ESR1: variants seen among roughly 807,000 people sequenced by gnomAD.
ESR1 encodes the protein estrogen receptor 1.
ESR1 carries 12 observed loss-of-function variants against 52.7 expected under a neutral mutation model. The observed-to-expected ratio is 0.23, with a 90% confidence interval of 0.15 to 0.37. The LOEUF is 0.37. Among genes scored for constraint, ESR1 ranks in the 10% least tolerant of loss-of-function variants. The pLI, the probability that ESR1 is intolerant of heterozygous loss-of-function variation, is 1.00. For synonymous variants in ESR1, 305 were observed against 316.8 expected (o/e 0.96, Z 0.39); for missense variants, 584 against 779.7 (o/e 0.75, Z 2.99).
intron 5 of ESR1, among the ~76,000 whole-genome samples, chr6:152,032,685 G>C: frequency 6.6e-6 from 1 of 152,158 alleles, no homozygotes; most frequent in East Asian, 1.9e-4. Flanking sequence ...TGGGTAGGAA[G>C]AATCAATATC....
chr6:152,125,686 G>A (rs984930071), exon 7 of ESR1: 1 of 202,038 alleles, frequency 4.9e-6, no homozygotes, highest in African/African-American at 2.3e-5. Context: ...TTAAATACCT[G>A]ACTAATTTTC....
At chr6:151,939,218 G>T (rs1359671202) in intron 3 of ESR1, among the ~76,000 whole-genome samples, 2 of 152,166 alleles carry the variant, frequency 1.3e-5, no homozygotes, top group South Asian at 2.1e-4. Context: ...TCAAGAGGCT[G>T]CCTGTTTAAT....
chr6:151,683,951 A>T (rs184233156), intron 1 of ESR1, among the ~76,000 whole-genome samples: 1 of 147,708 alleles, frequency 6.8e-6, no homozygotes, highest in African/African-American at 2.5e-5. Context: ...AGCTCAACTC[A>T]TCAGCCCACC....
At chr6:152,076,868 C>T (rs2982895) in intron 6 of ESR1, among the ~76,000 whole-genome samples, 2 of 151,932 alleles carry the variant, frequency 1.3e-5, no homozygotes, top group Non-Finnish European at 2.9e-5. Flanking sequence ...GTTGTTAAAA[C>T]CATTCTGTTT....
At chr6:151,928,116 T>G (rs1418353337) in intron 3 of ESR1, among the ~76,000 whole-genome samples, 1 of 152,184 alleles carries the variant, frequency 6.6e-6, no homozygotes, top group Non-Finnish European at 1.5e-5. Flanking sequence ...TTTATCATGT[T>G]TCTGTTTTCA....
At chr6:151,668,673 C>T (rs970108491) in intron 1 of ESR1, among the ~76,000 whole-genome samples, 9 of 152,154 alleles carry the variant, frequency 5.9e-5, no homozygotes, top group African/African-American at 2.2e-4. Context: ...AAAGCCCTGC[C>T]TGTTAATACT....
intron 6 of ESR1, among the ~76,000 whole-genome samples, chr6:152,114,880 G>C (rs896976646): frequency 4.1e-5 from 4 of 98,558 alleles, no homozygotes; most frequent in African/African-American, 1.7e-4. Context: ...GACAGAGCTA[G>C]ACTCCGTCTC....
chr6:151,880,114 T>G (rs1245149915), intron 2 of ESR1, among the ~76,000 whole-genome samples: 1 of 151,856 alleles, frequency 6.6e-6, no homozygotes, highest in Non-Finnish European at 1.5e-5. Flanking sequence ...TGAAGGTGAC[T>G]TGCCCAAAGG....
intron 6 of ESR1, among the ~76,000 whole-genome samples, chr6:152,093,662 A>T (rs564150267): frequency 6.6e-6 from 1 of 152,302 alleles, no homozygotes; most frequent in South Asian, 2.1e-4. Context: ...AATAGGCGAG[A>T]GAGGAAAAAC....
chr6:151,949,750 G>C (rs759124067), intron 4 of ESR1, among the ~76,000 whole-genome samples: 3 of 152,248 alleles, frequency 2.0e-5, no homozygotes, highest in Non-Finnish European at 4.4e-5. Flanking sequence ...GAAAGCAGCT[G>C]CTGTTGACTG....
At chr6:151,972,752 A>G (rs1191000157) in intron 4 of ESR1, among the ~76,000 whole-genome samples, 1 of 152,170 alleles carries the variant, frequency 6.6e-6, no homozygotes, top group Non-Finnish European at 1.5e-5. Context: ...GACTCACACG[A>G]TCACAAGGTT....
In ESR1 at chr6:151,958,311, T is replaced by TG. The variant is rs202027977; in HGVS notation, c.1096+13807dup. On this transcript the variant is annotated intron_variant, in intron 4 of 7. Transcript: ENST00000206249. ...TAATAAATTCACACTAAGGCTCTTT[T>TG]GGGGAAAAAAAATCTCTACCATTTA... Among the ~76,000 whole-genome samples the TG allele has an allele frequency of 2.1e-5, 3 of 143,444 alleles. No individual in the cohort carries two copies. The East Asian group carries it at 6.0e-4, about 29-fold the overall frequency. 94.1% of individuals were successfully genotyped at this position (143,444 alleles called of 152,430 possible).
chr6:151,862,220 C>T lies in ESR1; in HGVS notation c.644-18435C>T, dbSNP rs149681288. Among the ~76,000 whole-genome samples the T allele has an allele frequency of 1.8e-3, 271 of 152,230 alleles. 2 individuals carry two copies. The highest frequency in any genetic ancestry group is 6.3e-3 in the African/African-American group (262 of 41,540). ...AACCAAGGTATGTAAGAAACAAAAC[C>T]AGTGTTGAATCTGACTAGTACGACT... is the stretch of plus-strand genomic sequence containing the variant. On this transcript the variant is annotated intron_variant, in intron 2 of 7. Transcript: ENST00000206249.
intron 2 of ESR1, among the ~76,000 whole-genome samples, chr6:151,849,174 T>C (rs1368508103): frequency 6.6e-6 from 1 of 152,168 alleles, no homozygotes; most frequent in Non-Finnish European, 1.5e-5. Context: ...TCTTATGAAG[T>C]TTTCCTATTT....
At chr6:152,107,840 A>G (rs768092180), downstream of ESR1, among the ~76,000 whole-genome samples, 16 of 152,092 alleles carry the variant, frequency 1.1e-4, no homozygotes, top group Non-Finnish European at 2.4e-4. Context: ...GGCTTCTGAT[A>G]TTTCTGCTAG....
At chr6:151,660,032 A>G (rs1175184358) in intron 1 of ESR1, among the ~76,000 whole-genome samples, 2 of 152,232 alleles carry the variant, frequency 1.3e-5, no homozygotes, top group African/African-American at 4.8e-5. Flanking sequence ...CTTAAAATAG[A>G]TATGTCTGTA....
chr6:151,900,156 C>T (rs1796461809), intron 3 of ESR1, among the ~76,000 whole-genome samples: 1 of 152,152 alleles, frequency 6.6e-6, no homozygotes, highest in South Asian at 2.1e-4. Context: ...TTTTCTTTGT[C>T]TTTGTTGGAT....
rs188098165 is a variant in ESR1, at chr6:151,790,039, G to A, written c.-70-17804G>A. Among the ~76,000 whole-genome samples the A allele has an allele frequency of 7.4e-4, 113 of 152,240 alleles. 1 individual carries two copies. The highest frequency in any genetic ancestry group is 2.1e-3 in the South Asian group (10 of 4,824). On this transcript the variant is annotated intron_variant, in intron 2 of 2. Transcript: ENST00000404742. The stretch of plus-strand genomic sequence containing the variant: ...TATGGGCTCTTCGGATAACCCCCAT[G>A]CTCTAGCACTGGGATCTTGCCCTGT...
rs566811944 is a variant in ESR1 at position 152,109,602 on chromosome 6, C to T, written c.851-15664C>T. On this transcript the variant is annotated intron_variant, in intron 6 of 6. Coordinates refer to the ESR1 transcript ENST00000427531. ...TCAGGAGGCTGAGTCAGGAGAATCA[C>T]TTGAATCCAGGAGGTGGAGTTTGTG... Among the ~76,000 whole-genome samples the T allele has an allele frequency of 3.3e-5, 5 of 152,148 alleles. No homozygotes were observed. The South Asian group carries it at 1.0e-3, about 31-fold the overall frequency.
Sources: allele counts gnomAD v4.1 joint callset (sites outside exome capture counted in the v4.1 genomes callset), GRCh38; gene constraint gnomAD v4.1.1; transcripts MANE v1.5; gene names NCBI Gene and HGNC (gene_info 2026-07-23, HGNC 2026-07-21).